Variants in CREB1 observed in about 807,000 individuals in gnomAD.
CREB1 encodes cyclic AMP-responsive element-binding protein 1.
In CREB1, 2 loss-of-function variants were observed where a neutral mutation model predicts 42.0. The observed-to-expected ratio is 0.05, with a 90% CI of 0.02 to 0.15. The LOEUF (loss-of-function observed/expected upper bound fraction) is 0.15. Among genes scored for constraint, CREB1 ranks in the 10% least tolerant of loss-of-function variants. CREB1 has a pLI of 1.00. For missense variants in CREB1, 199 were observed against 388.9 expected (o/e 0.51, Z 4.11); for synonymous variants, 123 against 139.9 (o/e 0.88, Z 0.85).
At chr2:207,553,410 T>C (rs1446735883) in intron 1 of CREB1, among the ~76,000 whole-genome samples, 4 of 152,204 alleles carry the variant, frequency 2.6e-5, no homozygotes, top group Admixed American at 2.6e-4. Flanking sequence ...ATTTGATGTC[T>C]TTCTTATTTT....
At chr2:207,596,523 TC>T (rs1333752625) in intron 7 of CREB1, among the ~76,000 whole-genome samples, 2 of 151,450 alleles carry the variant, frequency 1.3e-5, no homozygotes, top group Non-Finnish European at 2.9e-5. Flanking sequence ...AGCCTCTGCC[TC>T]CCAGGTTCAA....
chr2:207,531,479 T>G (rs879033931), intron 1 of CREB1, among the ~76,000 whole-genome samples: 6 of 152,220 alleles, frequency 3.9e-5, no homozygotes, highest in Non-Finnish European at 5.9e-5. Flanking sequence ...ATTGACACAT[T>G]AAAAATTAAA....
intron 5 of CREB1, 148 bp downstream of exon 5, chr2:207,570,469 A>C (rs868493052): frequency 7.1e-6 from 5 of 709,064 alleles, no homozygotes; most frequent in Non-Finnish European, 1.1e-5. Flanking sequence ...ACTCTTCACT[A>C]TGCAAAGGTC....
chr2:207,534,285 G>T (rs1464317827), intron 1 of CREB1, among the ~76,000 whole-genome samples: 4 of 152,090 alleles, frequency 2.6e-5, no homozygotes, highest in Non-Finnish European at 5.9e-5. Context: ...TGCCCAGGAT[G>T]GTGTGCAGTG....
rs1232019232 is a variant in CREB1 at position 207,562,495 on chromosome 2, G to A, written c.261+2123G>A. 5.3e-5 allele frequency among the ~76,000 whole-genome samples: 8 copies of A among 151,990 alleles called. No individual in the cohort carries two copies. The South Asian group carries it at 1.7e-3, about 32-fold the overall frequency. On this transcript the variant is annotated intron_variant, in intron 3 of 7. Transcript: ENST00000353267. The stretch of plus-strand genomic sequence containing the variant: ...AATATTCTCTTTTTTTTATTTGCTT[G>A]TATTCATCTTTAAGGAACACATTTG...
rs35371479 is a variant in CREB1 at position 207,604,087 on chromosome 2, C to T, written c.*7029C>T. Among the ~76,000 whole-genome samples the T allele has an allele frequency of 0.13, 19,448 of 152,170 alleles. 1,655 individuals are homozygous for T. Among genetic ancestry groups the T allele is most frequent in the Middle Eastern group, 0.2 (59 of 294 alleles). ...AGAGTGATATTAATTACATGAGGGA[C>T]AATAGGCATGAACTAGGATTGTTCT... is the stretch of plus-strand genomic sequence containing the variant. On this transcript the variant is annotated 3_prime_UTR_variant, in exon 8 of 8. Transcript: ENST00000353267.
chr2:207,562,672 T>G (rs2081998973), intron 3 of CREB1, among the ~76,000 whole-genome samples: 1 of 152,184 alleles, frequency 6.6e-6, no homozygotes, highest in Non-Finnish European at 1.5e-5. Flanking sequence ...AGAATATCTA[T>G]TTTAATAGTT....
At chr2:207,553,103 C>T (rs1418208694) in intron 1 of CREB1, among the ~76,000 whole-genome samples, 1 of 113,784 alleles carries the variant, frequency 8.8e-6, no homozygotes, top group Non-Finnish European at 1.6e-5. Context: ...GAGTGTCACT[C>T]TGACACCGAG....
At chr2:207,538,980 A>G (rs2080985462) in intron 1 of CREB1, among the ~76,000 whole-genome samples, 1 of 152,042 alleles carries the variant, frequency 6.6e-6, no homozygotes, top group Non-Finnish European at 1.5e-5. Flanking sequence ...AGTAGGGGAC[A>G]CAGAAATACC....
At chr2:207,582,827 A>G in intron 7 of CREB1, 1 of 330,332 alleles carries the variant, frequency 3.0e-6, no homozygotes, top group Non-Finnish European at 6.1e-6. Flanking sequence ...TGGGAGGTGG[A>G]AGTTGCAGTG....
chr2:207,588,949 G>A (rs1191275113), intron 7 of CREB1, among the ~76,000 whole-genome samples: 1 of 151,616 alleles, frequency 6.6e-6, no homozygotes, highest in African/African-American at 2.4e-5. Context: ...CTACAAATAT[G>A]GACAGTTTTA....
intron 1 of CREB1, among the ~76,000 whole-genome samples, chr2:207,555,297 T>G (rs1484405805): frequency 6.6e-6 from 1 of 152,172 alleles, no homozygotes; most frequent in Non-Finnish European, 1.5e-5. Context: ...AATTATAATT[T>G]TGCTACCACT....
At chr2:207,586,083 TCAAAAA>T (rs1325987605) in intron 7 of CREB1, among the ~76,000 whole-genome samples, 1 of 151,784 alleles carries the variant, frequency 6.6e-6, no homozygotes, top group African/African-American at 2.4e-5. Flanking sequence ...AACTCAAAAG[TCAAAAA>T]CAAAGAAAAA....
chr2:207,536,271 G>A (rs1336680687), intron 1 of CREB1, among the ~76,000 whole-genome samples: 2 of 152,132 alleles, frequency 1.3e-5, no homozygotes, highest in Non-Finnish European at 2.9e-5. Flanking sequence ...AGCTGTCATG[G>A]GCCAGTCGCG....
At chr2:207,577,723 T>C (rs1039487170) in intron 7 of CREB1, 68 bp downstream of exon 7, 2 of 1,545,246 alleles carry the variant, frequency 1.3e-6, no homozygotes, top group Non-Finnish European at 1.8e-6. Context: ...TGGATGTGTA[T>C]CTTTACATCT....
intron 7 of CREB1, among the ~76,000 whole-genome samples, chr2:207,592,447 T>C (rs1297324729): frequency 6.6e-6 from 1 of 151,792 alleles, no homozygotes; most frequent in African/African-American, 2.4e-5. Context: ...ATGATTTAAA[T>C]GGTTTCTGAC....
intron 1 of CREB1, among the ~76,000 whole-genome samples, chr2:207,541,417 A>T (rs1220433731): frequency 1.3e-5 from 2 of 151,894 alleles, no homozygotes; most frequent in African/African-American, 4.8e-5. Flanking sequence ...TTTTTACTGT[A>T]CCTTTTCTAT....
At chr2:207,540,675 A>AGT (rs2081063418) in intron 1 of CREB1, among the ~76,000 whole-genome samples, 1 of 144,238 alleles carries the variant, frequency 6.9e-6, no homozygotes, top group African/African-American at 2.6e-5. Flanking sequence ...AAAGTAAAAA[A>AGT]AAAAAAAAAA....
At chr2:207,584,900 A>G (rs956278136) in intron 7 of CREB1, among the ~76,000 whole-genome samples, 12 of 152,134 alleles carry the variant, frequency 7.9e-5, no homozygotes, top group African/African-American at 2.9e-4. Flanking sequence ...TCTTTTGCAG[A>G]GCAAAAGGTT....
Sources: gnomAD v4.1 joint callset for allele counts (sites outside exome capture counted in the v4.1 genomes callset) on GRCh38, gnomAD v4.1.1 for gene constraint, MANE v1.5 for transcripts, NCBI Gene and HGNC (gene_info 2026-07-23, HGNC 2026-07-21) for gene names.